The following SYTL3 variants were observed in gnomAD, a reference collection of about 807,000 sequenced individuals.
SYTL3 encodes the protein synaptotagmin-like protein 3.
SYTL3 carries 88 observed loss-of-function variants against 82.1 expected under a neutral mutation model. That is an observed-to-expected ratio of 1.07 (90% CI 0.90 to 1.28). The LOEUF is 1.28. SYTL3 is among the 50% of genes most tolerant of loss of function. SYTL3 has a pLI of 0.00. For missense variants in SYTL3, 831 were observed against 757.6 expected, an observed-to-expected ratio of 1.10 and a Z score of -1.14; for synonymous variants, 311 against 289.4, an observed-to-expected ratio of 1.07 and a Z score of -0.76.
intron 6 of SYTL3, among the ~76,000 whole-genome samples, chr6:158,703,204 G>A (rs368232660): frequency 2.1e-5 from 3 of 146,038 alleles, no homozygotes; most frequent in African/African-American, 7.5e-5. Context: ...GCAACCACCC[G>A]AGCAGCAAAT....
At chr6:158,735,567 T>TA (rs1786033108) in intron 11 of SYTL3, among the ~76,000 whole-genome samples, 1 of 152,238 alleles carries the variant, frequency 6.6e-6, no homozygotes, top group Non-Finnish European at 1.5e-5. Flanking sequence ...TGCTTCTTGC[T>TA]AAAGGTGTTG....
chr6:158,667,712 T>G (rs1382449160), intron 5 of SYTL3, among the ~76,000 whole-genome samples: 1 of 152,108 alleles, frequency 6.6e-6, no homozygotes, highest in Non-Finnish European at 1.5e-5. Context: ...GGAAAATTGG[T>G]TTTTAAAATC....
At chr6:158,740,897 CTG>C (rs1487332160) in intron 11 of SYTL3, among the ~76,000 whole-genome samples, 28 of 152,110 alleles carry the variant, frequency 1.8e-4, no homozygotes, top group Non-Finnish European at 3.2e-4. Context: ...CCATAAAAAT[CTG>C]TGCTTTGGGA....
At chr6:158,753,611 T>C (rs1788680919) in intron 13 of SYTL3, among the ~76,000 whole-genome samples, 1 of 151,454 alleles carries the variant, frequency 6.6e-6, no homozygotes, top group Non-Finnish European at 1.5e-5. Context: ...GCGCCTGTAG[T>C]CCCAGCTACT....
chr6:158,762,841 T>TG (rs1226837923), intron 16 of SYTL3, among the ~76,000 whole-genome samples: 5 of 152,034 alleles, frequency 3.3e-5, no homozygotes, highest in Non-Finnish European at 7.4e-5. Context: ...TCCTTGAACT[T>TG]GGGGGGAGGA....
Position 158,706,164 on chromosome 6 carries a change from G to A in SYTL3, c.395-1066G>A, listed in dbSNP as rs180794202. ...GCCTTATAGAATCCTGTGAAAGCCAGATGTCCCCCAGATGAACCCCAGAAA... is the reference window on the plus strand; with the variant it reads ...GCCTTATAGAATCCTGTGAAAGCCAAATGTCCCCCAGATGAACCCCAGAAA... On this transcript the variant is annotated intron_variant, in intron 6 of 17. Transcript: ENST00000611299. 2.7e-3 allele frequency among the ~76,000 whole-genome samples: 404 copies of A among 152,278 alleles called. 1 individual carries two copies. Among genetic ancestry groups the A allele is most frequent in the African/African-American group, 9.2e-3 (380 of 41,528 alleles).
chr6:158,725,386 T>G, intron 10 of SYTL3, 117 bp from the exon 11 acceptor site: 1 of 1,149,104 alleles, frequency 8.7e-7, no homozygotes. Flanking sequence ...GTCCTCCTAC[T>G]CAGAAGTTTG....
intron 6 of SYTL3, among the ~76,000 whole-genome samples, chr6:158,706,204 G>A (rs1033582174): frequency 1.3e-5 from 2 of 152,120 alleles, no homozygotes; most frequent in Non-Finnish European, 2.9e-5. Context: ...ACACAGGCAG[G>A]TGGACTCGGA....
intron 8 of SYTL3, among the ~76,000 whole-genome samples, chr6:158,711,510 G>T (rs997302740): frequency 3.3e-5 from 5 of 152,208 alleles, no homozygotes; most frequent in Non-Finnish European, 7.3e-5. Context: ...AAGTCCCAAG[G>T]TGTCGGCGCC....
chr6:158,737,309 G>T (rs1051862316), intron 11 of SYTL3, among the ~76,000 whole-genome samples: 2 of 152,202 alleles, frequency 1.3e-5, no homozygotes, highest in Non-Finnish European at 2.9e-5. Flanking sequence ...GGCACTGGAA[G>T]GCTGCTGTGT....
chr6:158,668,299 G>A (rs1235620274), intron 5 of SYTL3, among the ~76,000 whole-genome samples: 3 of 151,630 alleles, frequency 2.0e-5, no homozygotes, highest in African/African-American at 4.9e-5. Context: ...GTGTGATCTC[G>A]GCTCACTGCA....
chr6:158,674,304 C>T (rs978346989), intron 5 of SYTL3, among the ~76,000 whole-genome samples: 1 of 151,972 alleles, frequency 6.6e-6, no homozygotes, highest in African/African-American at 2.4e-5. Flanking sequence ...TGAAATATTC[C>T]CTTATTGTAG....
At chr6:158,735,985 C>G (rs908364051) in intron 11 of SYTL3, among the ~76,000 whole-genome samples, 2 of 152,202 alleles carry the variant, frequency 1.3e-5, no homozygotes, top group Non-Finnish European at 2.9e-5. Flanking sequence ...TAAAAATTAT[C>G]ATGAATGTTG....
intron 8 of SYTL3, among the ~76,000 whole-genome samples, chr6:158,709,142 A>G (rs1355693860): frequency 1.3e-5 from 2 of 152,164 alleles, no homozygotes; most frequent in African/African-American, 4.8e-5. Flanking sequence ...CTGAGGCAGG[A>G]GAATTGCTTG....
intron 6 of SYTL3, among the ~76,000 whole-genome samples, chr6:158,698,442 T>C (rs1198624015): frequency 2.0e-5 from 3 of 151,778 alleles, no homozygotes; most frequent in South Asian, 2.1e-4. Flanking sequence ...TAAAACCATT[T>C]GTGACTGGAT....
chr6:158,756,690 G>T (rs1789118813), intron 13 of SYTL3, among the ~76,000 whole-genome samples: 1 of 139,754 alleles, frequency 7.2e-6, no homozygotes, highest in African/African-American at 2.7e-5. Context: ...CCAGCCTGGT[G>T]ACAGAGCGAG....
At chr6:158,728,152 C>T (rs1422634819) in intron 11 of SYTL3, among the ~76,000 whole-genome samples, 1 of 152,022 alleles carries the variant, frequency 6.6e-6, no homozygotes, top group Non-Finnish European at 1.5e-5. Context: ...GTCTGTGTCT[C>T]GTCCATCTGC....
chr6:158,739,388 T>A (rs1786632047), intron 11 of SYTL3, among the ~76,000 whole-genome samples: 1 of 152,196 alleles, frequency 6.6e-6, no homozygotes, highest in Non-Finnish European at 1.5e-5. Flanking sequence ...GTTATTATGA[T>A]GTACCTATGT....
At chr6:158,670,663 A>C (rs948926923) in intron 5 of SYTL3, among the ~76,000 whole-genome samples, 1 of 152,014 alleles carries the variant, frequency 6.6e-6, no homozygotes, top group Non-Finnish European at 1.5e-5. Context: ...GGCGCCTGTA[A>C]TCCCAGCTAC....
Sources: allele counts gnomAD v4.1 joint callset (sites outside exome capture counted in the v4.1 genomes callset), GRCh38; gene constraint gnomAD v4.1.1; transcripts MANE v1.5; gene names NCBI Gene and HGNC (gene_info 2026-07-23, HGNC 2026-07-21).